Variants in CHD1 observed in about 807,000 individuals in gnomAD.
CHD1 encodes the protein chromodomain helicase DNA binding protein 1, also known as ATP-dependent chromatin remodeler CHD1.
A neutral mutation model predicts 224.2 loss-of-function variants in CHD1; 36 were observed. The ratio of observed to expected loss-of-function variants is 0.16; its 90% confidence interval spans 0.12 to 0.21. The LOEUF (loss-of-function observed/expected upper bound fraction) is 0.21, where lower values mean the gene tolerates loss of function less well. Ranked by LOEUF, CHD1 falls within the 10% of genes least tolerant of loss-of-function variation. The probability of loss-of-function intolerance (pLI) is 1.00; values close to 1 mark genes in which losing one functional copy is unlikely to be tolerated. For synonymous variants in CHD1, 668 were observed against 658.3 expected, an observed-to-expected ratio of 1.01 and a Z score of -0.23; for missense variants, 1,378 against 1,994.8, an observed-to-expected ratio of 0.69 and a Z score of 5.89.
At chr5:98,862,227 C>T (rs1053912966) in intron 32 of CHD1, among the ~76,000 whole-genome samples, 17 of 152,204 alleles carry the variant, frequency 1.1e-4, no homozygotes, top group Admixed American at 3.3e-4. Flanking sequence ...GGATATTTCC[C>T]TCTTTCCTTC....
At chr5:98,904,848 C>T (rs1201360301) in intron 3 of CHD1, 49 bp downstream of exon 3, 2 of 1,546,282 alleles carry the variant, frequency 1.3e-6, no homozygotes, top group Admixed American at 3.3e-5. Context: ...CTAAATTTTC[C>T]CAAAGTAATA....
At chr5:98,894,993 G>T (rs1751253042) in intron 12 of CHD1, among the ~76,000 whole-genome samples, 2 of 151,806 alleles carry the variant, frequency 1.3e-5, no homozygotes, top group Non-Finnish European at 2.9e-5. Flanking sequence ...AGCTAATTTT[G>T]TATTTTTAGT....
chr5:98,855,152 GT>G lies in CHD1; in HGVS notation c.*1227del, dbSNP rs769929336. Reference sequence around the variant, plus strand: ...GGGGTAGGGGGCGGTGGTGGTGGTGGTAAGTGCTTGAGGGAGTAAGAATGCA... The same window carrying G: ...GGGGTAGGGGGCGGTGGTGGTGGTGGAAGTGCTTGAGGGAGTAAGAATGCA... On this transcript the variant is annotated 3_prime_UTR_variant, in exon 36 of 36. Coordinates refer to ENST00000614616, the MANE Select transcript of CHD1 (RefSeq NM_001270.4). 1 of 152,588 alleles carries G rather than the reference GT, an allele frequency of 6.6e-6. No homozygotes were observed. Among genetic ancestry groups the G allele is most frequent in the Non-Finnish European group, 1.5e-5 (1 of 68,146 alleles). 9.5% of individuals were successfully genotyped at this position (152,588 alleles called of 1,614,324 possible).
At chr5:98,893,364 C>A in intron 14 of CHD1, 52 bp downstream of exon 14, 4 of 1,232,732 alleles carry the variant, frequency 3.2e-6, no homozygotes, top group Admixed American at 2.4e-5. Context: ...GGGTTTATTC[C>A]CACTAAACAT....
chr5:98,884,873 G>A (rs1265696638), intron 18 of CHD1, among the ~76,000 whole-genome samples: 1 of 151,728 alleles, frequency 6.6e-6, no homozygotes, highest in African/African-American at 2.4e-5. Context: ...GTGCCACTAT[G>A]CCCAGTTTAT....
At chr5:98,885,914 G>A in intron 17 of CHD1, 1 of 385,608 alleles carries the variant, frequency 2.6e-6, no homozygotes, top group Non-Finnish European at 4.6e-6. Context: ...GTATGTGATT[G>A]AGTACATAGC....
At position 98,863,436 on chromosome 5, in the gene CHD1, T is replaced by G; in HGVS notation, c.4399A>C (p.Asn1467His). Residue 1467 changes from asparagine to histidine, a missense_variant, in exon 32 of 36, where the codon AAT (asparagine) becomes CAT (histidine). Around this residue, in one of 16 missense-constraint regions of CHD1, gnomAD observed 278 missense variants for 298.5 expected, o/e 0.93. Coordinates refer to ENST00000614616, the MANE Select transcript of CHD1 (RefSeq NM_001270.4). The part of the protein sequence containing the change: ...HITECLKEYT[N>H]PEQIKQWRKN... ...CTCCATTGCTTAATTTGTTCAGGAT[T>G]TGTATACTCTTTTAGACATTCTGTG... The G allele has an allele frequency of 1.3e-6, 2 of 1,582,596 alleles. No homozygotes were observed. Among genetic ancestry groups the G allele is most frequent in the Admixed American group, 1.8e-5 (1 of 55,360 alleles).
intron 31 of CHD1, among the ~76,000 whole-genome samples, chr5:98,865,134 G>T (rs1748761738): frequency 6.6e-6 from 1 of 152,190 alleles, no homozygotes; most frequent in African/African-American, 2.4e-5. Context: ...CAATGTTTGA[G>T]AGGACACCTA....
chr5:98,871,450 G>T (rs540533618), intron 28 of CHD1, among the ~76,000 whole-genome samples: 1 of 142,678 alleles, frequency 7.0e-6, no homozygotes, highest in Non-Finnish European at 1.5e-5. Flanking sequence ...CTACAATGCC[G>T]ATGTTTTTTA....
intron 7 of CHD1, among the ~76,000 whole-genome samples, chr5:98,899,979 A>G (rs1751589338): frequency 6.6e-6 from 1 of 152,176 alleles, no homozygotes; most frequent in Admixed American, 6.5e-5. Context: ...TATCCACAAT[A>G]TATGAAACGT....
chr5:98,910,553 C>A (rs1049583098), intron 2 of CHD1, among the ~76,000 whole-genome samples: 1 of 152,096 alleles, frequency 6.6e-6, no homozygotes, highest in South Asian at 2.1e-4. Context: ...AGAAGTTCAG[C>A]TTCCATTCTT....
At chr5:98,899,247 A>G (rs530538955) in intron 8 of CHD1, among the ~76,000 whole-genome samples, 20 of 152,262 alleles carry the variant, frequency 1.3e-4, no homozygotes, top group African/African-American at 3.9e-4. Flanking sequence ...TAGTTGTTAC[A>G]TGGTATTGTT....
At chr5:98,887,522 C>T (rs1750729619) in intron 17 of CHD1, among the ~76,000 whole-genome samples, 1 of 152,078 alleles carries the variant, frequency 6.6e-6, no homozygotes, top group African/African-American at 2.4e-5. Context: ...ATCTGAAGTA[C>T]TGAAAACAGC....
chr5:98,925,050 A>T (rs1004778630), intron 2 of CHD1, among the ~76,000 whole-genome samples: 4 of 152,070 alleles, frequency 2.6e-5, no homozygotes. Flanking sequence ...TTTTCTATCT[A>T]ACATTTTTTC....
At chr5:98,887,854 G>C (rs1750753269) in intron 17 of CHD1, among the ~76,000 whole-genome samples, 1 of 151,948 alleles carries the variant, frequency 6.6e-6, no homozygotes, top group Non-Finnish European at 1.5e-5. Flanking sequence ...GAAAAAGACA[G>C]AATTAAAAGA....
At position 98,888,258 on chromosome 5, in the gene CHD1, G is replaced by A; in HGVS notation, c.2344-18C>T. On this transcript the variant is annotated intron_variant, in intron 16 of 35. Transcript: ENST00000614616. Reference sequence around the variant, plus strand: ...ATTAAGTGCTACAGAAACAATTCAAGTTGTTATATGTTAAAAGACATAAAT... The same window carrying A: ...ATTAAGTGCTACAGAAACAATTCAAATTGTTATATGTTAAAAGACATAAAT... The A allele has an allele frequency of 6.3e-7, 1 of 1,580,702 alleles. No homozygotes were observed. The highest frequency in any genetic ancestry group is 8.6e-7 in the Non-Finnish European group (1 of 1,159,026).
intron 2 of CHD1, among the ~76,000 whole-genome samples, chr5:98,906,907 A>C (rs892960141): frequency 6.6e-6 from 1 of 152,224 alleles, no homozygotes; most frequent in Non-Finnish European, 1.5e-5. Flanking sequence ...TCTATGACAC[A>C]ATGGATATTT....
Position 98,896,567 on chromosome 5 carries a change from C to T in CHD1, c.1494-125G>A, listed in dbSNP as rs184090711. ...TTGATAGGTATTATATAGAATATAC[C>T]ACTTTTATTAACTACAAATAATAAA... On this transcript the variant is annotated intron_variant, in intron 11 of 35. Coordinates refer to ENST00000614616, the MANE Select transcript of CHD1 (RefSeq NM_001270.4). 165 of 629,322 alleles carry T rather than the reference C, an allele frequency of 2.6e-4. 1 individual carries two copies. Among genetic ancestry groups the T allele is most frequent in the East Asian group, 1.7e-3 (63 of 36,264 alleles). The allele number at this position is 629,322 out of a possible 1,614,324, so 39.0% of individuals were successfully genotyped here.
intron 2 of CHD1, among the ~76,000 whole-genome samples, chr5:98,925,891 T>C (rs923077133): frequency 2.0e-5 from 3 of 151,090 alleles, no homozygotes; most frequent in Non-Finnish European, 2.9e-5. Context: ...ATTTTGTAAT[T>C]GAGTTCAAAT....
Sources: gnomAD v4.1 joint callset for allele counts (sites outside exome capture counted in the v4.1 genomes callset) on GRCh38, gnomAD v4.1.1 for gene constraint, gnomAD v4.1.1 regional missense constraint, MANE v1.5 for transcripts, NCBI Gene and HGNC (gene_info 2026-07-23, HGNC 2026-07-21) for gene names.